The following SIPA1L3 variants were observed in gnomAD, a reference collection of about 807,000 sequenced individuals.
The protein encoded by SIPA1L3 is signal-induced proliferation-associated 1-like protein 3.
Under a neutral mutation model 150.1 loss-of-function variants are expected in SIPA1L3, and 59 were observed. The observed-to-expected ratio is 0.39, with a 90% CI of 0.32 to 0.49. The LOEUF (loss-of-function observed/expected upper bound fraction) is 0.49. Among genes scored for constraint, SIPA1L3 ranks in the 20% least tolerant of loss-of-function variants. The probability of loss-of-function intolerance (pLI) is 0.86; values close to 1 mark genes in which losing one functional copy is unlikely to be tolerated. For missense variants in SIPA1L3, 2,211 were observed against 2,489.5 expected (o/e 0.89, Z 2.38); for synonymous variants, 1,070 against 1,077.6 (o/e 0.99, Z 0.14).
At chr19:38,051,259 G>A (rs991469820) in intron 2 of SIPA1L3, among the ~76,000 whole-genome samples, 4 of 152,098 alleles carry the variant, frequency 2.6e-5, no homozygotes, top group Admixed American at 6.6e-5. Context: ...ATGTTCTCAC[G>A]TTAGCATGTT....
chr19:38,017,868 A>G (rs1162473737), intron 1 of SIPA1L3, among the ~76,000 whole-genome samples: 3 of 152,080 alleles, frequency 2.0e-5, no homozygotes, highest in Admixed American at 1.3e-4. Flanking sequence ...TCTCTGTGAA[A>G]CAGCCAGAGG....
At chr19:38,028,667 G>GCAC (rs1968571264) in intron 1 of SIPA1L3, among the ~76,000 whole-genome samples, 1 of 151,658 alleles carries the variant, frequency 6.6e-6, no homozygotes, top group Non-Finnish European at 1.5e-5. Flanking sequence ...CCGGAGCCTG[G>GCAC]CACATAGCAG....
intron 4 of SIPA1L3, among the ~76,000 whole-genome samples, chr19:38,090,285 G>A (rs1003246732): frequency 5.4e-5 from 8 of 148,644 alleles, no homozygotes; most frequent in East Asian, 2.0e-4. Flanking sequence ...AGCTGAGATC[G>A]CGCCATTGTA....
At position 38,206,798 on chromosome 19, in the gene SIPA1L3, A is replaced by G. The variant is rs1973227947; in HGVS notation, c.*558A>G. The G allele has an allele frequency of 6.5e-6, 1 of 152,942 alleles. No homozygotes were observed. Among genetic ancestry groups the G allele is most frequent in the South Asian group, 2.1e-4 (1 of 4,836 alleles). 9.5% of individuals were successfully genotyped at this position (152,942 alleles called of 1,614,324 possible). On this transcript the variant is annotated 3_prime_UTR_variant, in exon 22 of 22. Transcript: ENST00000222345. ...CACGTGAGCTCCAAAAAGCACGAAC[A>G]TGATCCCCTCCCTAACCCCCTCCTC... is the stretch of plus-strand genomic sequence containing the variant.
chr19:38,081,155 T>G (rs1600026302), intron 2 of SIPA1L3, 101 bp from the exon 3 acceptor site: 2 of 399,334 alleles, frequency 5.0e-6, no homozygotes, highest in East Asian at 7.1e-5. Flanking sequence ...ATAAAAAGAT[T>G]TTTTAAATGA....
intron 1 of SIPA1L3, among the ~76,000 whole-genome samples, chr19:37,945,395 G>A (rs2046701236): frequency 6.6e-6 from 1 of 151,998 alleles, no homozygotes; most frequent in Admixed American, 6.6e-5. Flanking sequence ...CACCACACCT[G>A]GCTGATATTT....
At chr19:38,123,760 G>A (rs1971087529) in intron 9 of SIPA1L3, among the ~76,000 whole-genome samples, 1 of 151,840 alleles carries the variant, frequency 6.6e-6, no homozygotes, top group Non-Finnish European at 1.5e-5. Context: ...ATCATGGCCC[G>A]TTCTCAATGA....
intron 1 of SIPA1L3, among the ~76,000 whole-genome samples, chr19:38,006,399 GA>G (rs919050844): frequency 1.3e-5 from 2 of 152,130 alleles, no homozygotes; most frequent in Non-Finnish European, 2.9e-5. Context: ...ACCTTCTAGG[GA>G]GTGGGGCACG....
intron 8 of SIPA1L3, among the ~76,000 whole-genome samples, chr19:38,116,764 G>T (rs1209871064): frequency 6.6e-6 from 1 of 152,002 alleles, no homozygotes; most frequent in Non-Finnish European, 1.5e-5. Context: ...TGAGGTGGGA[G>T]AATTGACTGA....
chr19:38,067,097 G>A (rs1223857339), intron 2 of SIPA1L3, among the ~76,000 whole-genome samples: 5 of 151,912 alleles, frequency 3.3e-5, no homozygotes, highest in African/African-American at 1.2e-4. Context: ...AAATTAGCCA[G>A]GTGTGCTGGC....
intron 10 of SIPA1L3, among the ~76,000 whole-genome samples, chr19:38,134,063 A>C (rs1360169433): frequency 6.6e-6 from 1 of 151,822 alleles, no homozygotes; most frequent in Non-Finnish European, 1.5e-5. Context: ...AGCTCACTGC[A>C]AGCTCCGCCT....
intron 13 of SIPA1L3, among the ~76,000 whole-genome samples, chr19:38,156,562 C>A (rs1425863157): frequency 2.0e-5 from 3 of 150,082 alleles, no homozygotes; most frequent in East Asian, 1.9e-4. Context: ...CAGTGGCTCA[C>A]GCCTGTAATC....
intron 9 of SIPA1L3, among the ~76,000 whole-genome samples, chr19:38,128,158 G>A (rs1971222693): frequency 1.4e-5 from 2 of 146,400 alleles, no homozygotes; most frequent in African/African-American, 5.0e-5. Flanking sequence ...GTGTTCAAGC[G>A]ATTCTCCTGT....
intron 2 of SIPA1L3, among the ~76,000 whole-genome samples, chr19:38,054,419 C>G: frequency 6.6e-6 from 1 of 151,826 alleles, no homozygotes; most frequent in East Asian, 1.9e-4. Context: ...CTAGCCTGAC[C>G]AACATGGTGA....
chr19:38,082,722 C>T lies in SIPA1L3; in HGVS notation c.1157C>T (p.Ala386Val). The T allele has an allele frequency of 1.9e-6, 3 of 1,611,930 alleles. No individual in the cohort carries two copies. In the Middle Eastern group the frequency reaches 5.0e-4, roughly 266 times the overall value. The change falls in exon 3 of 22, where the codon GCC (alanine) becomes GTC (valine). Residue 386 changes from alanine to valine, a missense_variant. Physicochemically the swap from Ala to Val is moderately conservative, Grantham distance 64 (BLOSUM62 0). Transcript: ENST00000222345. ...GCCTCGGCCATGGCCTCCCTCACGG[C>T]CTCGCGGGCCCACAGCCTCGGAGGC... Reference protein sequence around the residue: ...SAASAMASLTASRAHSLGGLD... With the variant: ...SAASAMASLTVSRAHSLGGLD...
At chr19:38,163,725 C>T (rs942193827) in intron 14 of SIPA1L3, among the ~76,000 whole-genome samples, 2 of 152,088 alleles carry the variant, frequency 1.3e-5, no homozygotes, top group Non-Finnish European at 2.9e-5. Context: ...GCAAGGGGGC[C>T]ACCATGGCCA....
intron 2 of SIPA1L3, among the ~76,000 whole-genome samples, chr19:38,057,236 A>G (rs183474102): frequency 6.6e-6 from 1 of 151,906 alleles, no homozygotes; most frequent in Admixed American, 6.6e-5. Context: ...CCACCACTGC[A>G]TTCCAGCCTA....
intron 1 of SIPA1L3, chr19:37,963,820 C>G (rs2046880191): frequency 6.6e-6 from 1 of 152,188 alleles, no homozygotes; most frequent in African/African-American, 2.4e-5. Context: ...TTTTGATTTT[C>G]TCTTTAATTT....
intron 1 of SIPA1L3, among the ~76,000 whole-genome samples, chr19:37,916,956 CTCA>C (rs1245736778): frequency 1.9e-4 from 25 of 133,748 alleles, no homozygotes; most frequent in African/African-American, 6.5e-4. Flanking sequence ...GAGACTCCTT[CTCA>C]AAAAAAAAAA....
Sources: allele counts gnomAD v4.1 joint callset (sites outside exome capture counted in the v4.1 genomes callset), GRCh38; gene constraint gnomAD v4.1.1; transcripts MANE v1.5; gene names NCBI Gene and HGNC (gene_info 2026-07-23, HGNC 2026-07-21).